Variants in SLC9A9 observed in about 807,000 individuals in gnomAD.
The protein encoded by SLC9A9 is solute carrier family 9 member A9, also known as sodium/hydrogen exchanger 9.
In SLC9A9, 62 loss-of-function variants were observed where a neutral mutation model predicts 77.8. The observed-to-expected ratio is 0.80, with a 90% confidence interval of 0.65 to 0.98. The LOEUF is 0.98. Among genes scored for constraint, SLC9A9 ranks in the 50% least tolerant of loss-of-function variants. The pLI is 0.00. For synonymous variants in SLC9A9, 320 were observed against 283.5 expected (o/e 1.13, Z -1.29); for missense variants, 775 against 774.9 (o/e 1.00, Z 0.00).
At chr3:143,801,329 T>A (rs1576736695) in intron 2 of SLC9A9, among the ~76,000 whole-genome samples, 1 of 152,338 alleles carries the variant, frequency 6.6e-6, no homozygotes, top group South Asian at 2.1e-4. Context: ...GCCACTGCCC[T>A]AATACTTTTA....
intron 9 of SLC9A9, among the ~76,000 whole-genome samples, chr3:143,548,529 C>G (rs1044490660): frequency 1.3e-5 from 2 of 152,032 alleles, no homozygotes; most frequent in African/African-American, 4.8e-5. Flanking sequence ...ATGTGCACAC[C>G]CTAAAGCAAC....
At chr3:143,589,524 A>G (rs371800899) in intron 6 of SLC9A9, among the ~76,000 whole-genome samples, 1 of 152,192 alleles carries the variant, frequency 6.6e-6, no homozygotes, top group East Asian at 1.9e-4. Context: ...ATAATAACAT[A>G]CTGTACAGGT....
At chr3:143,729,569 A>G (rs1365232759) in intron 4 of SLC9A9, among the ~76,000 whole-genome samples, 1 of 152,168 alleles carries the variant, frequency 6.6e-6, no homozygotes, top group African/African-American at 2.4e-5. Flanking sequence ...AGTTCTGGGC[A>G]TACAGGAGAC....
At chr3:143,690,688 A>G (rs191766990) in intron 5 of SLC9A9, among the ~76,000 whole-genome samples, 3 of 152,120 alleles carry the variant, frequency 2.0e-5, no homozygotes, top group African/African-American at 7.2e-5. Context: ...GTAAAAATCC[A>G]TGTGTTCATA....
intron 12 of SLC9A9, among the ~76,000 whole-genome samples, chr3:143,436,215 C>T (rs923601209): frequency 1.3e-5 from 2 of 152,184 alleles, no homozygotes; most frequent in African/African-American, 2.4e-5. Context: ...CATGCGACCT[C>T]GTCTTGCGAG....
chr3:143,455,962 A>G (rs1249969608), intron 12 of SLC9A9, among the ~76,000 whole-genome samples: 3 of 151,974 alleles, frequency 2.0e-5, no homozygotes, highest in African/African-American at 4.8e-5. Flanking sequence ...TTCCTTCCTA[A>G]AATTAGGAAT....
At chr3:143,571,112 G>T (rs1386870483) in intron 8 of SLC9A9, among the ~76,000 whole-genome samples, 1 of 152,112 alleles carries the variant, frequency 6.6e-6, no homozygotes, top group East Asian at 1.9e-4. Context: ...TGTTCTTGAG[G>T]GCGCACTTTG....
chr3:143,375,601 A>T (rs536837028), intron 13 of SLC9A9, among the ~76,000 whole-genome samples: 3 of 152,274 alleles, frequency 2.0e-5, no homozygotes, highest in African/African-American at 7.2e-5. Flanking sequence ...ATCCCTATTA[A>T]GGTTATCCTA....
intron 1 of SLC9A9, among the ~76,000 whole-genome samples, chr3:143,845,367 T>A (rs1393390230): frequency 6.6e-6 from 1 of 152,208 alleles, no homozygotes; most frequent in Non-Finnish European, 1.5e-5. Context: ...CAGTATCCCA[T>A]CATGTTCCTC....
intron 4 of SLC9A9, among the ~76,000 whole-genome samples, chr3:143,747,073 T>C (rs1055510119): frequency 5.3e-5 from 8 of 152,158 alleles, no homozygotes; most frequent in Non-Finnish European, 1.2e-4. Flanking sequence ...TATGAGGTCC[T>C]AATCCCTGGA....
At chr3:143,348,809 C>T (rs527634365) in intron 14 of SLC9A9, among the ~76,000 whole-genome samples, 53 of 152,222 alleles carry the variant, frequency 3.5e-4, no homozygotes, top group African/African-American at 1.1e-3. Context: ...GTGTCTAGAA[C>T]GCTTTGGGTA....
At chr3:143,797,316 G>A (rs2008413417) in intron 2 of SLC9A9, among the ~76,000 whole-genome samples, 1 of 151,986 alleles carries the variant, frequency 6.6e-6, no homozygotes, top group South Asian at 2.1e-4. Flanking sequence ...ACATTTTCCA[G>A]ACTCCATGGA....
intron 12 of SLC9A9, among the ~76,000 whole-genome samples, chr3:143,421,421 C>T (rs1298088024): frequency 6.6e-6 from 1 of 152,022 alleles, no homozygotes; most frequent in Non-Finnish European, 1.5e-5. Context: ...GACACATAGA[C>T]CAACTGAACA....
intron 2 of SLC9A9, among the ~76,000 whole-genome samples, chr3:143,805,911 C>T (rs1162682477): frequency 6.6e-6 from 1 of 152,198 alleles, no homozygotes; most frequent in African/African-American, 2.4e-5. Flanking sequence ...GGTCTCTTCA[C>T]AGAGACTCGA....
intron 4 of SLC9A9, among the ~76,000 whole-genome samples, chr3:143,733,531 G>T (rs987527687): frequency 6.6e-6 from 1 of 152,120 alleles, no homozygotes; most frequent in Admixed American, 6.5e-5. Context: ...CCACCTCATT[G>T]AGGTCATAGG....
At position 143,533,623 on chromosome 3, in the gene SLC9A9, C is replaced by T. The variant is rs191949398; in HGVS notation, c.1089+18739G>A. 2.3e-3 allele frequency among the ~76,000 whole-genome samples: 344 copies of T among 152,216 alleles called. 1 individual carries two copies. Among genetic ancestry groups the T allele is most frequent in the Non-Finnish European group, 4.1e-3 (280 of 68,012 alleles). ...TTACTGATGCATAACCATAAAAAAACCCTACATCTTTAGATATCATATATC... is the reference window on the plus strand; with the variant it reads ...TTACTGATGCATAACCATAAAAAAATCCTACATCTTTAGATATCATATATC... On this transcript the variant is annotated intron_variant, in intron 9 of 15. Transcript: ENST00000316549.
intron 12 of SLC9A9, among the ~76,000 whole-genome samples, chr3:143,416,250 T>G (rs1378436874): frequency 6.6e-6 from 1 of 152,192 alleles, no homozygotes. Context: ...TTTAGTATAT[T>G]ATACAAACTT....
intron 5 of SLC9A9, among the ~76,000 whole-genome samples, chr3:143,665,704 T>A (rs1308998012): frequency 6.6e-6 from 1 of 152,110 alleles, no homozygotes; most frequent in Non-Finnish European, 1.5e-5. Flanking sequence ...CTATAAATAC[T>A]TCTGTGCAAA....
chr3:143,415,759 A>G (rs187827631), intron 12 of SLC9A9, among the ~76,000 whole-genome samples: 1 of 152,350 alleles, frequency 6.6e-6, no homozygotes, highest in Admixed American at 6.5e-5. Flanking sequence ...CTTATTATAT[A>G]AGAAATATAT....
Sources: gnomAD v4.1 joint callset for allele counts (sites outside exome capture counted in the v4.1 genomes callset) on GRCh38, gnomAD v4.1.1 for gene constraint, MANE v1.5 for transcripts, NCBI Gene and HGNC (gene_info 2026-07-23, HGNC 2026-07-21) for gene names.